ADCY1: variants seen among roughly 807,000 people sequenced by gnomAD.
ADCY1 encodes adenylate cyclase 1.
A neutral mutation model predicts 105.4 loss-of-function variants in ADCY1; 28 were observed. The observed-to-expected ratio is 0.27, with a 90% CI of 0.20 to 0.36. The LOEUF (loss-of-function observed/expected upper bound fraction) is 0.36, where lower values mean the gene tolerates loss of function less well. Ranked by LOEUF, ADCY1 falls within the 10% of genes least tolerant of loss-of-function variation. The pLI is 1.00. For missense variants in ADCY1, 977 were observed against 1,434.2 expected (o/e 0.68, Z 5.15); for synonymous variants, 655 against 623.8 (o/e 1.05, Z -0.75).
At position 45,718,409 on chromosome 7, in the gene ADCY1, ACAGGACACCTGTT is replaced by A. The variant is rs1785399409; in HGVS notation, c.*4419_*4431del. 6.6e-6 allele frequency: 1 copy of A among 152,178 alleles called. No homozygotes were observed. The highest frequency in any genetic ancestry group is 1.5e-5 in the Non-Finnish European group (1 of 68,036). 9.4% of individuals were successfully genotyped at this position (152,178 alleles called of 1,614,324 possible). On this transcript the variant is annotated 3_prime_UTR_variant, in exon 20 of 20. Transcript: ENST00000297323. ...CCATCCTGGTAGAAGAGCCCTCTGAACAGGACACCTGTTCAGGCCTGGGGGCCCCATGCTAGGC... is the reference window on the plus strand; with the variant it reads ...CCATCCTGGTAGAAGAGCCCTCTGAACAGGCCTGGGGGCCCCATGCTAGGC...
chr7:45,626,396 T>C (rs1794062605), intron 4 of ADCY1, among the ~76,000 whole-genome samples: 1 of 152,164 alleles, frequency 6.6e-6, no homozygotes, highest in African/African-American at 2.4e-5. Flanking sequence ...CGGTGGAGTG[T>C]CCTGGGAGTC....
chr7:45,588,864 C>T (rs974776511), intron 1 of ADCY1, among the ~76,000 whole-genome samples: 1 of 142,404 alleles, frequency 7.0e-6, no homozygotes, highest in South Asian at 2.4e-4. Context: ...CCCATCATTG[C>T]GTGTATGTGT....
rs1293048707 is a variant in ADCY1 at position 45,720,793 on chromosome 7, T to C, written c.*6798T>C. ...TGACCACAAATAAAGGAAACACTCA[T>C]CACTAGTATCTAAGTCGGGCTTTAC... is the stretch of plus-strand genomic sequence containing the variant. On this transcript the variant is annotated 3_prime_UTR_variant, in exon 20 of 20. Transcript: ENST00000297323. The C allele has an allele frequency of 6.6e-6, 1 of 152,194 alleles. No individual in the cohort carries two copies. The highest frequency in any genetic ancestry group is 1.5e-5 in the Non-Finnish European group (1 of 68,036). 9.4% of individuals were successfully genotyped at this position (152,194 alleles called of 1,614,324 possible).
At chr7:45,711,919 T>TTATATATTATATTAAATATATAAA (rs1785252950) in intron 19 of ADCY1, among the ~76,000 whole-genome samples, 3 of 86,300 alleles carry the variant, frequency 3.5e-5, no homozygotes, top group African/African-American at 1.1e-4. Flanking sequence ...TATAAATATA[T>TTATATATTATATTAAATATATAAA]TATATATTAT....
In ADCY1 at chr7:45,574,916, C is replaced by G. The variant is rs1792287586; in HGVS notation, c.373C>G (p.Leu125Val). 1 of 1,611,852 alleles carries G rather than the reference C, an allele frequency of 6.2e-7. No individual in the cohort carries two copies. The change falls in exon 1 of 20, where the codon CTG (leucine) becomes GTG (valine). Residue 125 changes from leucine (L) to valine (V), a missense_variant. Transcript: ENST00000297323. The surrounding 1 kb of genome is among the most constrained non-coding windows in gnomAD (Gnocchi z 7.0). ...QVPQLQQVGQ[L>V]ALLFSLTFAL... ...GCCCCAGCTGCAGCAGGTCGGCCAG[C>G]TGGCGCTGCTCTTCAGCCTCACCTT... is the stretch of plus-strand genomic sequence containing the variant.
chr7:45,584,011 T>G (rs1253370697), intron 1 of ADCY1, among the ~76,000 whole-genome samples: 1 of 149,302 alleles, frequency 6.7e-6, no homozygotes, highest in Non-Finnish European at 1.5e-5. Context: ...GCAGTGGCAT[T>G]ATCATGGTTC....
At chr7:45,622,015 C>T (rs1440051923) in intron 3 of ADCY1, among the ~76,000 whole-genome samples, 7 of 152,172 alleles carry the variant, frequency 4.6e-5, no homozygotes, top group African/African-American at 1.2e-4. Context: ...GACACTGTGT[C>T]GTTTAGGGCT....
In ADCY1 at chr7:45,716,370, CT is replaced by C. The variant is rs934698678; in HGVS notation, c.*2376del. 1.3e-5 allele frequency: 2 copies of C among 152,648 alleles called. No individual in the cohort carries two copies. Among genetic ancestry groups the C allele is most frequent in the Non-Finnish European group, 2.9e-5 (2 of 68,338 alleles). The allele number at this position is 152,648 out of a possible 1,614,324, so 9.5% of individuals were successfully genotyped here. A position where few individuals can be genotyped will look rare whatever the true frequency, so the allele number is the denominator to read the frequency against. ...CTTGTCCCTGCTCCTGTGCTTTCCT[CT>C]CTTCAGGACAAATGGTTTGTCCTTA... On this transcript the variant is annotated 3_prime_UTR_variant, in exon 20 of 20. Transcript: ENST00000297323.
At chr7:45,607,850 G>A (rs1793423585) in intron 2 of ADCY1, among the ~76,000 whole-genome samples, 3 of 152,196 alleles carry the variant, frequency 2.0e-5, no homozygotes, top group Admixed American at 6.5e-5. Context: ...CCATTGATGG[G>A]CACCTGTGTT....
Position 45,719,968 on chromosome 7 carries a change from G to A in ADCY1, c.*5973G>A, listed in dbSNP as rs1409943225. 6.6e-6 allele frequency: 1 copy of A among 152,064 alleles called. No homozygotes were observed. The highest frequency in any genetic ancestry group is 1.5e-5 in the Non-Finnish European group (1 of 68,032). 9.4% of individuals were successfully genotyped at this position (152,064 alleles called of 1,614,324 possible). ...ACTAGGTTCCATTTTCTTTGGTTTG[G>A]TTACTTATTTTTTCTTTTTGGGTTC... is the stretch of plus-strand genomic sequence containing the variant. On this transcript the variant is annotated 3_prime_UTR_variant, in exon 20 of 20. Transcript: ENST00000297323.
chr7:45,648,664 C>G lies in ADCY1; in HGVS notation c.1021-6C>G. ...CTCTTACCATGTGCCTTGCCCTTCC[C>G]TGAAGGAGAACCACTGTCGCCGCAT... On this transcript the variant is annotated splice_polypyrimidine_tract_variant and splice_region_variant and intron_variant, in intron 4 of 19. Coordinates refer to ENST00000297323, the MANE Select transcript of ADCY1 (RefSeq NM_021116.4). The G allele has an allele frequency of 6.2e-7, 1 of 1,614,146 alleles. No individual in the cohort carries two copies. The highest frequency in any genetic ancestry group is 1.3e-5 in the African/African-American group (1 of 75,040).
At chr7:45,611,819 C>G (rs1201717374) in intron 3 of ADCY1, among the ~76,000 whole-genome samples, 1 of 152,132 alleles carries the variant, frequency 6.6e-6, no homozygotes, top group Non-Finnish European at 1.5e-5. Context: ...GGACCTGAAA[C>G]ACTTTTCCTT....
In ADCY1 at chr7:45,575,165, C is replaced by G; in HGVS notation, c.622C>G (p.Pro208Ala). The change falls in exon 1 of 20, where the codon CCA becomes GCA. Residue 208 changes from proline (P) to alanine (A), a missense_variant. This residue lies in a region of ADCY1 where 196 missense variants were observed against 347.8 expected (regional missense o/e 0.56). Coordinates refer to ENST00000297323, the MANE Select transcript of ADCY1 (RefSeq NM_021116.4). The surrounding 1 kb of genome is among the most constrained non-coding windows in gnomAD (Gnocchi z 4.7). ...AGCCACCTTGGTCCCCGCCAAGCGCCCACGTCTCTGGAGGACGGTAAGTGC... is the reference window on the plus strand; with the variant it reads ...AGCCACCTTGGTCCCCGCCAAGCGCGCACGTCTCTGGAGGACGGTAAGTGC... ...VTATLVPAKR[P>A]RLWRTLGANA... 6.2e-7 allele frequency: 1 copy of G among 1,605,658 alleles called. No homozygotes were observed. Among genetic ancestry groups the G allele is most frequent in the Non-Finnish European group, 8.5e-7 (1 of 1,176,244 alleles).
intron 2 of ADCY1, among the ~76,000 whole-genome samples, chr7:45,593,486 C>A (rs1004722469): frequency 6.6e-6 from 1 of 152,142 alleles, no homozygotes; most frequent in Non-Finnish European, 1.5e-5. Context: ...TTGGAAGGAG[C>A]CATGCCTAGG....
At chr7:45,594,391 A>G (rs1380174468) in intron 2 of ADCY1, among the ~76,000 whole-genome samples, 1 of 152,032 alleles carries the variant, frequency 6.6e-6, no homozygotes, top group East Asian at 1.9e-4. Context: ...TTTTGTTACC[A>G]CCATAAGATC....
At chr7:45,654,450 A>G (rs1034282725) in intron 5 of ADCY1, among the ~76,000 whole-genome samples, 2 of 152,200 alleles carry the variant, frequency 1.3e-5, no homozygotes, top group East Asian at 1.9e-4. Flanking sequence ...TTGAGCTGCT[A>G]AGTTCAGCTT....
chr7:45,648,105 C>T, intron 4 of ADCY1, among the ~76,000 whole-genome samples: 1 of 152,248 alleles, frequency 6.6e-6, no homozygotes, highest in Non-Finnish European at 1.5e-5. Context: ...TACCACTGTA[C>T]AGACGAGCAG....
intron 4 of ADCY1, among the ~76,000 whole-genome samples, chr7:45,638,233 G>A (rs1193343172): frequency 6.6e-6 from 1 of 152,156 alleles, no homozygotes; most frequent in African/African-American, 2.4e-5. Flanking sequence ...GTATTAGGGA[G>A]TTCCACTCTT....
Position 45,575,652 on chromosome 7 carries a change from C to T in ADCY1, c.639+470C>T, listed in dbSNP as rs1792317904. 6.6e-6 allele frequency among the ~76,000 whole-genome samples: 1 copy of T among 152,274 alleles called. No individual in the cohort carries two copies. The highest frequency in any genetic ancestry group is 2.4e-5 in the African/African-American group (1 of 41,482). ...CGCGTGCTGGGCTCGCCTCCCAACCCTGCGGACCCGAGGGTGGTATATGGG... is the reference window on the plus strand; with the variant it reads ...CGCGTGCTGGGCTCGCCTCCCAACCTTGCGGACCCGAGGGTGGTATATGGG... On this transcript the variant is annotated intron_variant, in intron 1 of 19. Transcript: ENST00000297323. This position sits in a 1 kb window ranked among gnomAD's most constrained non-coding sequence, Gnocchi z 4.7.
Sources: allele counts gnomAD v4.1 joint callset (sites outside exome capture counted in the v4.1 genomes callset), GRCh38; gene constraint gnomAD v4.1.1; regional missense constraint gnomAD v4.1.1; non-coding constraint Gnocchi (gnomAD v3.1); transcripts MANE v1.5; gene names NCBI Gene and HGNC (gene_info 2026-07-23, HGNC 2026-07-21).